PFDN1: variants seen among roughly 807,000 people sequenced by gnomAD.
PFDN1 encodes prefoldin subunit 1.
A neutral mutation model predicts 17.3 loss-of-function variants in PFDN1; 6 were observed. The ratio of observed to expected loss-of-function variants is 0.35; its 90% confidence interval spans 0.19 to 0.69. The LOEUF (loss-of-function observed/expected upper bound fraction) is 0.69, where lower values mean the gene tolerates loss of function less well. PFDN1 is among the 30% of genes least tolerant of loss of function. The pLI, the probability that PFDN1 is intolerant of heterozygous loss-of-function variation, is 0.65. For synonymous variants in PFDN1, 58 were observed against 50.1 expected (o/e 1.16, Z -0.67); for missense variants, 113 against 146.2 (o/e 0.77, Z 1.17).
At chr5:140,281,708 A>C (rs1158787906) in intron 2 of PFDN1, 175 bp from the exon 3 acceptor site, 4 of 567,100 alleles carry the variant, frequency 7.1e-6, no homozygotes, top group African/African-American at 5.8e-5. Flanking sequence ...CTGAGAAGGA[A>C]TAAAGGCTTA....
chr5:140,253,432 T>A (rs1764944172), intron 3 of PFDN1, among the ~76,000 whole-genome samples: 1 of 152,062 alleles, frequency 6.6e-6, no homozygotes, highest in Non-Finnish European at 1.5e-5. Flanking sequence ...GGGAAAAAAT[T>A]CTTCTTCAAA....
At chr5:140,262,216 G>A (rs899977086) in intron 3 of PFDN1, among the ~76,000 whole-genome samples, 9 of 152,102 alleles carry the variant, frequency 5.9e-5, no homozygotes, top group African/African-American at 1.9e-4. Context: ...GCTGGTATTC[G>A]GGGGTTATCA....
Position 140,245,226 on chromosome 5 carries a change from T to C in PFDN1, c.*748A>G. The C allele has an allele frequency of 2.5e-6, 1 of 408,150 alleles. No individual in the cohort carries two copies. The highest frequency in any genetic ancestry group is 4.1e-5 in the East Asian group (1 of 24,518). 25.3% of individuals were successfully genotyped at this position (408,150 alleles called of 1,614,324 possible). ...GGGATGAGCCAGCTGGATCACACCGTTGCCCCCTCAGCCTCTAGGAGGCCT... is the reference window on the plus strand; with the variant it reads ...GGGATGAGCCAGCTGGATCACACCGCTGCCCCCTCAGCCTCTAGGAGGCCT... On this transcript the variant is annotated 3_prime_UTR_variant, in exon 4 of 4. Coordinates refer to ENST00000261813, the MANE Select transcript of PFDN1 (RefSeq NM_002622.5).
At chr5:140,249,078 T>C (rs1162059843) in intron 3 of PFDN1, among the ~76,000 whole-genome samples, 1 of 152,238 alleles carries the variant, frequency 6.6e-6, no homozygotes, top group East Asian at 1.9e-4. Flanking sequence ...CAATAATTCC[T>C]GTCTCAGTCC....
chr5:140,298,854 G>A (rs1409262368), intron 2 of PFDN1, among the ~76,000 whole-genome samples: 3 of 151,604 alleles, frequency 2.0e-5, no homozygotes, highest in South Asian at 2.1e-4. Context: ...TCCTGGGTTC[G>A]AGCAGTTCTC....
Position 140,263,477 on chromosome 5 carries a change from C to T in PFDN1, c.286-17420G>A, listed in dbSNP as rs1021899998. ...TCCATCTGTCTTTCAATTGGTTCCACTCTTGGGCCAGAAATAAAAGTTACT... is the reference window on the plus strand; with the variant it reads ...TCCATCTGTCTTTCAATTGGTTCCATTCTTGGGCCAGAAATAAAAGTTACT... On this transcript the variant is annotated intron_variant, in intron 3 of 3. Coordinates refer to ENST00000261813, the MANE Select transcript of PFDN1 (RefSeq NM_002622.5). Among the ~76,000 whole-genome samples, 9 of 152,162 alleles carry T rather than the reference C, an allele frequency of 5.9e-5. No homozygotes were observed. In the East Asian group the frequency reaches 9.6e-4, roughly 16 times the overall value.
intron 3 of PFDN1, among the ~76,000 whole-genome samples, chr5:140,280,057 A>G (rs1393391405): frequency 6.6e-6 from 1 of 151,320 alleles, no homozygotes; most frequent in African/African-American, 2.4e-5. Flanking sequence ...AAAAGAAAAA[A>G]TCATTTATCC....
At chr5:140,276,928 T>A (rs1205140074) in intron 3 of PFDN1, among the ~76,000 whole-genome samples, 3 of 151,884 alleles carry the variant, frequency 2.0e-5, no homozygotes, top group Non-Finnish European at 4.4e-5. Context: ...TTAAAAAGTT[T>A]GAACTGGTTG....
At chr5:140,277,119 G>C (rs1191452490) in intron 3 of PFDN1, among the ~76,000 whole-genome samples, 1 of 151,930 alleles carries the variant, frequency 6.6e-6, no homozygotes, top group Non-Finnish European at 1.5e-5. Context: ...CTACTCAGGA[G>C]GCTGAGGCAG....
intron 3 of PFDN1, among the ~76,000 whole-genome samples, chr5:140,248,379 T>G (rs1440447450): frequency 1.3e-5 from 2 of 152,122 alleles, no homozygotes; most frequent in African/African-American, 4.8e-5. Context: ...TAAACAACTC[T>G]TAGACTTTAA....
chr5:140,249,531 A>G (rs1034855981), intron 3 of PFDN1, among the ~76,000 whole-genome samples: 2 of 152,198 alleles, frequency 1.3e-5, no homozygotes, highest in Non-Finnish European at 2.9e-5. Context: ...GAACCTTGGG[A>G]GGCCTCTGTC....
intron 3 of PFDN1, among the ~76,000 whole-genome samples, chr5:140,276,376 G>A (rs908654951): frequency 6.6e-6 from 1 of 152,202 alleles, no homozygotes. Flanking sequence ...TCTATGCTAA[G>A]ATCTGAAGGA....
At chr5:140,277,360 G>A (rs2126690181) in intron 3 of PFDN1, among the ~76,000 whole-genome samples, 1 of 152,252 alleles carries the variant, frequency 6.6e-6, no homozygotes, top group Middle Eastern at 3.4e-3. Flanking sequence ...CTGAACGAGA[G>A]AAGGCTGGAT....
chr5:140,290,482 G>A (rs986421679), intron 2 of PFDN1, among the ~76,000 whole-genome samples: 5 of 152,112 alleles, frequency 3.3e-5, no homozygotes, highest in African/African-American at 7.2e-5. Context: ...CCCAGCATAC[G>A]GCCCCTGAGG....
chr5:140,268,459 C>A (rs1215815760), intron 3 of PFDN1, among the ~76,000 whole-genome samples: 2 of 152,072 alleles, frequency 1.3e-5, no homozygotes, highest in Non-Finnish European at 2.9e-5. Flanking sequence ...ATCAGCCTGG[C>A]CAACGTGGTG....
intron 3 of PFDN1, among the ~76,000 whole-genome samples, chr5:140,248,124 A>C (rs1405025567): frequency 6.7e-6 from 1 of 148,622 alleles, no homozygotes; most frequent in African/African-American, 2.5e-5. Flanking sequence ...GCTGGAGTGC[A>C]ATGGCGCCAT....
chr5:140,300,369 A>T (rs1765724627), intron 2 of PFDN1, 47 bp downstream of exon 2: 2 of 1,390,468 alleles, frequency 1.4e-6, no homozygotes, highest in Non-Finnish European at 2.0e-6. Flanking sequence ...TTTAACTCGG[A>T]CAAAAGCACT....
intron 1 of PFDN1, among the ~76,000 whole-genome samples, 182 bp from the exon 2 acceptor site, chr5:140,300,764 AATC>A (rs1438068519): frequency 6.6e-6 from 1 of 152,244 alleles, no homozygotes; most frequent in African/African-American, 2.4e-5. Flanking sequence ...CTGAATTTAC[AATC>A]ATCAGAAGAT....
chr5:140,263,548 C>T (rs534863100), intron 3 of PFDN1, among the ~76,000 whole-genome samples: 7 of 152,168 alleles, frequency 4.6e-5, no homozygotes, highest in South Asian at 2.1e-4. Context: ...ATTTTACGGA[C>T]GAGTGTATTT....
Sources: allele counts gnomAD v4.1 joint callset (sites outside exome capture counted in the v4.1 genomes callset), GRCh38; gene constraint gnomAD v4.1.1; transcripts MANE v1.5; gene names NCBI Gene and HGNC (gene_info 2026-07-23, HGNC 2026-07-21).